Variants in CADM2 observed in about 807,000 individuals in gnomAD.
The protein encoded by CADM2 is immunoglobulin superfamily member 4D.
A neutral mutation model predicts 49.8 loss-of-function variants in CADM2; 12 were observed. That is an observed-to-expected ratio of 0.24 (90% confidence interval 0.15 to 0.39). The LOEUF (loss-of-function observed/expected upper bound fraction) is 0.39, where lower values mean the gene tolerates loss of function less well. Ranked by LOEUF, CADM2 falls within the 10% of genes least tolerant of loss-of-function variation. The pLI, the probability that CADM2 is intolerant of heterozygous loss-of-function variation, is 1.00. For missense variants in CADM2, 378 were observed against 492.3 expected (o/e 0.77, Z 2.20); for synonymous variants, 214 against 175.4 (o/e 1.22, Z -1.74).
At position 85,994,896 on chromosome 3, in the gene CADM2, C is replaced by T. The variant is rs573694933; in HGVS notation, c.970+33249C>T. On this transcript the variant is annotated intron_variant, in intron 8 of 9. Transcript: ENST00000383699. The stretch of plus-strand genomic sequence containing the variant: ...GTAACAGATATAGTAATGATGAAAG[C>T]TTGAAATATTGTCAAAATCCCCAAA... Among the ~76,000 whole-genome samples, 7 of 151,154 alleles carry T rather than the reference C, an allele frequency of 4.6e-5. No individual in the cohort carries two copies. The East Asian group carries it at 1.2e-3, about 25-fold the overall frequency.
intron 5 of CADM2, among the ~76,000 whole-genome samples, chr3:85,912,093 G>A (rs61327946): frequency 0.055 from 8,346 of 151,776 alleles, 646 homozygotes; most frequent in African/African-American, 0.17. Context: ...ACAGGTGCCC[G>A]TCACCACATC....
chr3:85,474,963 T>G (rs981657913), intron 1 of CADM2, among the ~76,000 whole-genome samples: 1 of 151,884 alleles, frequency 6.6e-6, no homozygotes, highest in Non-Finnish European at 1.5e-5. Context: ...TTATAGACAT[T>G]GCTCTGAGCA....
intron 1 of CADM2, among the ~76,000 whole-genome samples, chr3:85,118,555 T>C (rs1410585300): frequency 1.3e-5 from 2 of 152,070 alleles, no homozygotes; most frequent in African/African-American, 4.8e-5. Flanking sequence ...TCTTATTCAC[T>C]ATCACGAGAG....
rs549130811 is a variant in CADM2, at chr3:85,610,605, A to G, written c.62-115917A>G. Among the ~76,000 whole-genome samples the G allele has an allele frequency of 1.2e-3, 175 of 152,060 alleles. 2 individuals carry two copies. The highest frequency in any genetic ancestry group is 3.9e-3 in the African/African-American group (164 of 41,538). The stretch of plus-strand genomic sequence containing the variant: ...AACTAAGGTATAATAATATTACAGA[A>G]TCATCACCAAGCAAACACAGATAGT... On this transcript the variant is annotated intron_variant, in intron 1 of 9. Coordinates refer to ENST00000383699, the MANE Select transcript of CADM2 (RefSeq NM_001167675.2).
chr3:85,623,066 T>C lies in CADM2; in HGVS notation c.62-103456T>C, dbSNP rs575336237. On this transcript the variant is annotated intron_variant, in intron 1 of 9. Transcript: ENST00000383699. ...GCTTAAGCCCACTGATAAGAATCAG[T>C]GGGCCAGTAAGGTATACTCCAAGGA... Among the ~76,000 whole-genome samples, 33 of 152,104 alleles carry C rather than the reference T, an allele frequency of 2.2e-4. No homozygotes were observed. In the South Asian group the frequency reaches 6.0e-3, roughly 28 times the overall value.
chr3:85,587,036 T>C (rs902102454), intron 1 of CADM2, among the ~76,000 whole-genome samples: 66 of 152,106 alleles, frequency 4.3e-4, no homozygotes, highest in Non-Finnish European at 8.8e-5. Flanking sequence ...GTTATTTTGG[T>C]GTCATACATT....
chr3:85,029,083 G>T (rs1206231352), intron 1 of CADM2, among the ~76,000 whole-genome samples: 5 of 151,582 alleles, frequency 3.3e-5, no homozygotes, highest in African/African-American at 1.2e-4. Flanking sequence ...TTGGCTGCTT[G>T]TAAGCTTTAG....
At chr3:85,316,533 T>C (rs958625971) in intron 1 of CADM2, among the ~76,000 whole-genome samples, 2 of 152,166 alleles carry the variant, frequency 1.3e-5, no homozygotes, top group African/African-American at 4.8e-5. Flanking sequence ...TGTGAAATAT[T>C]TGTTAAATAG....
intron 1 of CADM2, among the ~76,000 whole-genome samples, chr3:85,463,045 T>A (rs2038318918): frequency 6.6e-6 from 1 of 152,142 alleles, no homozygotes; most frequent in African/African-American, 2.4e-5. Flanking sequence ...TAGGGCTGTT[T>A]GGAGCATTAA....
chr3:85,074,668 C>T (rs185780864), intron 1 of CADM2, among the ~76,000 whole-genome samples: 1 of 152,132 alleles, frequency 6.6e-6, no homozygotes, highest in East Asian at 1.9e-4. Context: ...GAAAATGGGC[C>T]TTATAGAAGA....
chr3:85,709,404 G>T (rs2067046425), intron 1 of CADM2, among the ~76,000 whole-genome samples: 1 of 152,080 alleles, frequency 6.6e-6, no homozygotes, highest in Non-Finnish European at 1.5e-5. Flanking sequence ...ACTGTTGTTT[G>T]TGTGTTTTGT....
At chr3:85,879,659 AT>A (rs1158596562) in intron 3 of CADM2, among the ~76,000 whole-genome samples, 1 of 152,154 alleles carries the variant, frequency 6.6e-6, no homozygotes, top group African/African-American at 2.4e-5. Context: ...GTGCATTAAA[AT>A]TTTTTAATCA....
intron 1 of CADM2, among the ~76,000 whole-genome samples, chr3:85,601,124 A>ATT (rs1553748284): frequency 3.2e-5 from 2 of 61,650 alleles, no homozygotes; most frequent in African/African-American, 5.6e-5. Flanking sequence ...GCATTTATAT[A>ATT]TGTGTGTATA....
At chr3:85,291,198 A>G (rs1297618871) in intron 1 of CADM2, among the ~76,000 whole-genome samples, 2 of 152,148 alleles carry the variant, frequency 1.3e-5, no homozygotes, top group Non-Finnish European at 2.9e-5. Flanking sequence ...GCAATGGAAG[A>G]TGAAATGAAT....
chr3:85,055,107 G>A (rs987074709), intron 1 of CADM2, among the ~76,000 whole-genome samples: 1 of 151,652 alleles, frequency 6.6e-6, no homozygotes, highest in Non-Finnish European at 1.5e-5. Context: ...GACCCCACAG[G>A]GCCATCATTC....
At chr3:85,831,441 C>T (rs984337753) in intron 3 of CADM2, among the ~76,000 whole-genome samples, 1 of 152,014 alleles carries the variant, frequency 6.6e-6, no homozygotes, top group Admixed American at 6.6e-5. Flanking sequence ...AATCTACATT[C>T]CCACAAACAG....
intron 8 of CADM2, among the ~76,000 whole-genome samples, chr3:86,042,660 G>A (rs904155179): frequency 1.8e-4 from 28 of 152,086 alleles, no homozygotes; most frequent in Non-Finnish European, 3.5e-4. Flanking sequence ...ACAAGGAGGA[G>A]CTGGTACCAT....
At position 85,568,441 on chromosome 3, in the gene CADM2, T is replaced by TTC. The variant is rs1227075107; in HGVS notation, c.62-158079_62-158078dup. 5.0e-3 allele frequency among the ~76,000 whole-genome samples: 138 copies of TTC among 27,402 alleles called. 1 individual carries two copies. Among genetic ancestry groups the TTC allele is most frequent in the African/African-American group, 8.6e-3 (69 of 7,990 alleles). The allele number at this position is 27,402 out of a possible 152,430, so 18.0% of individuals were successfully genotyped here. On this transcript the variant is annotated intron_variant, in intron 1 of 9. Coordinates refer to ENST00000383699, the MANE Select transcript of CADM2 (RefSeq NM_001167675.2). ...TTTCTTTCTTTCTTTCTTTCTTTCT[T>TTC]TCTTTCTTTCTTTCTTTCTTTCTCT...
At chr3:85,009,805 G>A (rs1441532262) in intron 1 of CADM2, among the ~76,000 whole-genome samples, 1 of 151,712 alleles carries the variant, frequency 6.6e-6, no homozygotes, top group African/African-American at 2.4e-5. Context: ...GGTGGAGGTT[G>A]CAGTGAGCCA....
Sources: allele counts gnomAD v4.1 joint callset (sites outside exome capture counted in the v4.1 genomes callset), GRCh38; gene constraint gnomAD v4.1.1; transcripts MANE v1.5; gene names NCBI Gene and HGNC (gene_info 2026-07-23, HGNC 2026-07-21).